The following RBFOX1 variants were observed in gnomAD, a reference collection of about 807,000 sequenced individuals.
RBFOX1 encodes RNA binding fox-1 homolog 1, also known as RNA binding protein fox-1 homolog 1.
In RBFOX1, 8 loss-of-function variants were observed where a neutral mutation model predicts 57.7. That is an observed-to-expected ratio of 0.14 (90% CI 0.08 to 0.25). The LOEUF is 0.25. Among genes scored for constraint, RBFOX1 ranks in the 10% least tolerant of loss-of-function variants. RBFOX1 has a pLI of 1.00. For missense variants in RBFOX1, 611 were observed against 548.5 expected, an observed-to-expected ratio of 1.11 and a Z score of -1.14; for synonymous variants, 326 against 222.4, an observed-to-expected ratio of 1.47 and a Z score of -4.15.
chr16:6,753,548 T>C (rs1477719003), intron 3 of RBFOX1, among the ~76,000 whole-genome samples: 1 of 152,188 alleles, frequency 6.6e-6, no homozygotes, highest in African/African-American at 2.4e-5. Flanking sequence ...TCTTTGAATA[T>C]TTGTTACATC....
At chr16:5,637,900 C>T (rs544652605) in intron 3 of RBFOX1, among the ~76,000 whole-genome samples, 5 of 152,192 alleles carry the variant, frequency 3.3e-5, no homozygotes, top group Non-Finnish European at 7.3e-5. Flanking sequence ...GGAAATGACC[C>T]TGTTTCCTTG....
At chr16:7,619,251 T>G (rs573169881) in intron 10 of RBFOX1, among the ~76,000 whole-genome samples, 16 of 152,320 alleles carry the variant, frequency 1.1e-4, no homozygotes, top group South Asian at 6.2e-4. Context: ...ATTCTAGTGT[T>G]TGGTTGATGT....
At chr16:6,488,876 T>C (rs936135616) in intron 2 of RBFOX1, among the ~76,000 whole-genome samples, 1 of 152,180 alleles carries the variant, frequency 6.6e-6, no homozygotes, top group Non-Finnish European at 1.5e-5. Flanking sequence ...CTAGGTAATA[T>C]CAGTGATAGT....
intron 1 of RBFOX1, among the ~76,000 whole-genome samples, chr16:5,247,434 C>G (rs1483214167): frequency 6.6e-6 from 1 of 152,204 alleles, no homozygotes; most frequent in Non-Finnish European, 1.5e-5. Context: ...ACCCTCACAT[C>G]TGTGCACTGG....
chr16:5,968,751 T>C (rs2059902081), intron 4 of RBFOX1, among the ~76,000 whole-genome samples: 2 of 152,140 alleles, frequency 1.3e-5, no homozygotes, highest in African/African-American at 4.8e-5. Context: ...TAAAAATTTT[T>C]AATTTTGGGA....
intron 3 of RBFOX1, among the ~76,000 whole-genome samples, chr16:5,770,678 C>G (rs2053948449): frequency 6.6e-6 from 1 of 152,182 alleles, no homozygotes; most frequent in Non-Finnish European, 1.5e-5. Flanking sequence ...TGCACATAGC[C>G]AAGAACCCTC....
At chr16:7,125,379 A>T (rs1211693283) in intron 4 of RBFOX1, among the ~76,000 whole-genome samples, 1 of 152,236 alleles carries the variant, frequency 6.6e-6, no homozygotes, top group Non-Finnish European at 1.5e-5. Flanking sequence ...GCAAATCAAT[A>T]GATGGTTGAT....
intron 2 of RBFOX1, among the ~76,000 whole-genome samples, chr16:6,593,943 T>C (rs554298827): frequency 1.3e-5 from 2 of 152,308 alleles, no homozygotes; most frequent in African/African-American, 4.8e-5. Context: ...CCAATGCTTT[T>C]GTTCAATTTG....
chr16:7,153,286 A>T (rs926076643), intron 4 of RBFOX1, among the ~76,000 whole-genome samples: 1 of 152,136 alleles, frequency 6.6e-6, no homozygotes, highest in South Asian at 2.1e-4. Context: ...AATCTCCTGA[A>T]CTTTTTCATG....
chr16:5,772,881 C>T (rs1034960897), intron 3 of RBFOX1, among the ~76,000 whole-genome samples: 3 of 152,038 alleles, frequency 2.0e-5, no homozygotes, highest in African/African-American at 7.2e-5. Flanking sequence ...AAGAGTAGAC[C>T]AGTAAGATGA....
intron 1 of RBFOX1, among the ~76,000 whole-genome samples, chr16:6,110,499 A>C (rs79223797): frequency 0.014 from 2,133 of 152,282 alleles, 56 homozygotes; most frequent in African/African-American, 0.048. Flanking sequence ...GTCATTTGTG[A>C]AATGATGTGG....
intron 13 of RBFOX1, 47 bp downstream of exon 13, chr16:7,665,015 C>T: frequency 1.9e-6 from 3 of 1,613,790 alleles, no homozygotes; most frequent in Non-Finnish European, 2.5e-6. Context: ...CTCCTGGAGT[C>T]ATTCTTTTTA....
At chr16:5,900,431 A>G (rs1337817647) in intron 4 of RBFOX1, among the ~76,000 whole-genome samples, 1 of 152,198 alleles carries the variant, frequency 6.6e-6, no homozygotes, top group African/African-American at 2.4e-5. Context: ...TCCCCAAACA[A>G]CTGTGTTTCT....
chr16:6,494,318 C>A (rs927962958), intron 2 of RBFOX1, among the ~76,000 whole-genome samples: 1 of 152,160 alleles, frequency 6.6e-6, no homozygotes, highest in African/African-American at 2.4e-5. Flanking sequence ...AGGTAAGGTA[C>A]TGAGCAGTTC....
chr16:5,413,027 T>A (rs2067064710), intron 1 of RBFOX1, among the ~76,000 whole-genome samples: 1 of 152,194 alleles, frequency 6.6e-6, no homozygotes, highest in South Asian at 2.1e-4. Context: ...ATGAAGCCAC[T>A]CTGGCATGTT....
intron 4 of RBFOX1, among the ~76,000 whole-genome samples, chr16:7,387,524 A>G (rs1389966621): frequency 1.3e-5 from 2 of 152,198 alleles, no homozygotes; most frequent in South Asian, 2.1e-4. Context: ...AAAATTGCAC[A>G]TTTGCTGGCA....
intron 3 of RBFOX1, among the ~76,000 whole-genome samples, chr16:5,764,378 T>A (rs1436936919): frequency 6.6e-6 from 1 of 152,256 alleles, no homozygotes; most frequent in Non-Finnish European, 1.5e-5. Flanking sequence ...GCTGAGTAGA[T>A]GCCAGCACCC....
chr16:6,857,463 G>T (rs754460135), intron 3 of RBFOX1, among the ~76,000 whole-genome samples: 67 of 152,222 alleles, frequency 4.4e-4, no homozygotes, highest in Non-Finnish European at 8.5e-4. Context: ...TATTTACATG[G>T]TTTATTTCAC....
Position 7,569,359 on chromosome 16 carries a change from C to G in RBFOX1, c.271-10418C>G, listed in dbSNP as rs574773435. On this transcript the variant is annotated intron_variant, in intron 5 of 15. Coordinates refer to ENST00000550418, the MANE Select transcript of RBFOX1 (RefSeq NM_018723.4). Reference sequence around the variant, plus strand: ...TGATCTTTCCCCATGCCTTTCCTGGCCCCTGAAGGCCACTGTCATTCTTGG... The same window carrying G: ...TGATCTTTCCCCATGCCTTTCCTGGGCCCTGAAGGCCACTGTCATTCTTGG... 4.6e-5 allele frequency among the ~76,000 whole-genome samples: 7 copies of G among 152,244 alleles called. No individual in the cohort carries two copies. The South Asian group carries it at 1.5e-3, about 32-fold the overall frequency.
Sources: allele counts gnomAD v4.1 joint callset (sites outside exome capture counted in the v4.1 genomes callset), GRCh38; gene constraint gnomAD v4.1.1; transcripts MANE v1.5; gene names NCBI Gene and HGNC (gene_info 2026-07-23, HGNC 2026-07-21).